KCNT2: variants seen among roughly 807,000 people sequenced by gnomAD.
The protein encoded by KCNT2 is potassium channel subfamily T member 2.
Under a neutral mutation model 153.8 loss-of-function variants are expected in KCNT2, and 67 were observed. That is an observed-to-expected ratio of 0.44 (90% CI 0.36 to 0.53). The LOEUF is 0.53. Ranked by LOEUF, KCNT2 falls within the 20% of genes least tolerant of loss-of-function variation. The probability of loss-of-function intolerance (pLI) is 0.00; values close to 1 mark genes in which losing one functional copy is unlikely to be tolerated. For missense variants in KCNT2, 975 were observed against 1,354.8 expected (o/e 0.72, Z 4.40); for synonymous variants, 500 against 458.8 (o/e 1.09, Z -1.15).
intron 1 of KCNT2, among the ~76,000 whole-genome samples, chr1:196,532,177 T>C (rs1308828368): frequency 1.3e-5 from 2 of 152,000 alleles, no homozygotes; most frequent in African/African-American, 4.8e-5. Context: ...AAAACATAAG[T>C]CCATGAGACA....
intron 7 of KCNT2, among the ~76,000 whole-genome samples, chr1:196,466,155 A>G (rs1163202648): frequency 6.6e-6 from 1 of 152,100 alleles, no homozygotes; most frequent in Non-Finnish European, 1.5e-5. Flanking sequence ...TGTTACTGTC[A>G]ATATTTGTTT....
intron 1 of KCNT2, among the ~76,000 whole-genome samples, chr1:196,571,981 C>G (rs961744870): frequency 6.6e-6 from 1 of 152,040 alleles, no homozygotes; most frequent in Non-Finnish European, 1.5e-5. Flanking sequence ...AGAAGCAGGA[C>G]CTGAAAGGCA....
chr1:196,378,827 T>A (rs113930603), intron 13 of KCNT2, among the ~76,000 whole-genome samples: 2 of 146,258 alleles, frequency 1.4e-5, no homozygotes, highest in Non-Finnish European at 3.0e-5. Context: ...ATATATATAT[T>A]ATATATATAT....
chr1:196,398,432 T>C (rs1251121357), intron 13 of KCNT2, 131 bp downstream of exon 13: 4 of 553,896 alleles, frequency 7.2e-6, no homozygotes, highest in Non-Finnish European at 1.3e-5. Flanking sequence ...AGTAAATTAG[T>C]TTTAATAATC....
At chr1:196,369,372 T>A (rs1356991180) in intron 14 of KCNT2, among the ~76,000 whole-genome samples, 2 of 152,150 alleles carry the variant, frequency 1.3e-5, no homozygotes, top group African/African-American at 2.4e-5. Context: ...ATGTGCACAT[T>A]GTGCAGGTTA....
At chr1:196,345,468 TG>T (rs1208790787) in intron 14 of KCNT2, among the ~76,000 whole-genome samples, 9 of 151,962 alleles carry the variant, frequency 5.9e-5, no homozygotes, top group African/African-American at 1.7e-4. Flanking sequence ...GGGGAGAAAA[TG>T]GGGCCACAGA....
intron 8 of KCNT2, among the ~76,000 whole-genome samples, chr1:196,437,310 A>G (rs1674800723): frequency 7.5e-6 from 1 of 133,084 alleles, no homozygotes; most frequent in East Asian, 2.2e-4. Flanking sequence ...AAATATATTT[A>G]TATATTTATA....
chr1:196,555,813 A>C (rs934789410), intron 1 of KCNT2, among the ~76,000 whole-genome samples: 1 of 151,348 alleles, frequency 6.6e-6, no homozygotes, highest in Non-Finnish European at 1.5e-5. Flanking sequence ...CACACAGACC[A>C]ATGGAAAACA....
rs112804824 is a variant in KCNT2, at chr1:196,587,296, C to T, written c.95+20919G>A. ...CTACCAACAGCAGTAAAATTATTAT[C>T]TTCATTTTGCAGATGAGAGCACTGA... On this transcript the variant is annotated intron_variant, in intron 1 of 27. Transcript: ENST00000294725. Among the ~76,000 whole-genome samples, 1,033 of 152,084 alleles carry T rather than the reference C, an allele frequency of 6.8e-3. 9 individuals are homozygous for T. The highest frequency in any genetic ancestry group is 0.022 in the African/African-American group (903 of 41,508).
In KCNT2 at chr1:196,335,983, G is replaced by T. The variant is rs370938664; in HGVS notation, c.1784-1923C>A. ...TGATTATTTTCTTGCATATACCCCT[G>T]GATCCCTTGATACATTTTTGCTTCA... On this transcript the variant is annotated intron_variant, in intron 16 of 27. Coordinates refer to ENST00000294725, the MANE Select transcript of KCNT2 (RefSeq NM_198503.5). Among the ~76,000 whole-genome samples, 7 of 152,002 alleles carry T rather than the reference G, an allele frequency of 4.6e-5. No individual in the cohort carries two copies. The South Asian group carries it at 1.2e-3, about 27-fold the overall frequency.
intron 13 of KCNT2, among the ~76,000 whole-genome samples, chr1:196,385,532 T>G (rs1669896869): frequency 6.6e-6 from 1 of 151,574 alleles, no homozygotes; most frequent in South Asian, 2.1e-4. Flanking sequence ...TCCCTATAAC[T>G]CATTAAAAAA....
intron 8 of KCNT2, among the ~76,000 whole-genome samples, chr1:196,431,143 C>T (rs190299549): frequency 1.8e-4 from 28 of 152,172 alleles, no homozygotes; most frequent in Admixed American, 9.2e-4. Flanking sequence ...AATCTGTGAG[C>T]CCTTGATCAT....
chr1:196,590,810 C>T (rs1022661088), intron 1 of KCNT2, among the ~76,000 whole-genome samples: 2 of 152,116 alleles, frequency 1.3e-5, no homozygotes, highest in African/African-American at 2.4e-5. Flanking sequence ...AGATGTTACA[C>T]CACCTCCAAA....
chr1:196,342,420 C>CTATATATA (rs71154738), intron 14 of KCNT2, among the ~76,000 whole-genome samples, 192 bp from the exon 15 acceptor site: 40 of 132,754 alleles, frequency 3.0e-4, no homozygotes, highest in African/African-American at 9.3e-4. Context: ...ATTTTGAATA[C>CTATATATA]TATATATATA....
chr1:196,327,471 T>G (rs1212204019), intron 18 of KCNT2, among the ~76,000 whole-genome samples: 1 of 152,168 alleles, frequency 6.6e-6, no homozygotes, highest in Non-Finnish European at 1.5e-5. Flanking sequence ...AAGGGCATTT[T>G]GCTATTTCAT....
chr1:196,465,537 A>G lies in KCNT2; in HGVS notation c.544-150T>C, dbSNP rs1372723298. On this transcript the variant is annotated intron_variant, in intron 7 of 27. Transcript: ENST00000294725. ...ATGTATTTCAAATGGAAATATAAGC[A>G]TATTTCCATTTTTGCCTAGATCTGA... 4 of 598,324 alleles carry G rather than the reference A, an allele frequency of 6.7e-6. No homozygotes were observed. The East Asian group carries it at 1.2e-4, about 17-fold the overall frequency. The allele number at this position is 598,324 out of a possible 1,614,324, so 37.1% of individuals were successfully genotyped here. A position where few individuals can be genotyped will look rare whatever the true frequency, so the allele number is the denominator to read the frequency against.
intron 1 of KCNT2, among the ~76,000 whole-genome samples, chr1:196,500,320 G>GGGAA (rs1558012551): frequency 7.4e-6 from 1 of 134,568 alleles, no homozygotes; most frequent in Admixed American, 7.6e-5. Flanking sequence ...GAGGGAGGGA[G>GGGAA]GGAAAGAAAG....
chr1:196,556,066 G>A (rs918311118), intron 1 of KCNT2, among the ~76,000 whole-genome samples: 1 of 151,090 alleles, frequency 6.6e-6, no homozygotes, highest in Non-Finnish European at 1.5e-5. Context: ...AAAACACTGG[G>A]GAAACTCTCC....
chr1:196,440,406 T>A (rs1675122244), intron 8 of KCNT2, among the ~76,000 whole-genome samples: 1 of 152,034 alleles, frequency 6.6e-6, no homozygotes, highest in South Asian at 2.1e-4. Flanking sequence ...TCACTTTTTT[T>A]ATTGCACTAA....
Sources: allele counts gnomAD v4.1 joint callset (sites outside exome capture counted in the v4.1 genomes callset), GRCh38; gene constraint gnomAD v4.1.1; transcripts MANE v1.5; gene names NCBI Gene and HGNC (gene_info 2026-07-23, HGNC 2026-07-21).